The following CDH13 variants were observed in gnomAD, a reference collection of about 807,000 sequenced individuals.
The protein encoded by CDH13 is cadherin 13.
Under a neutral mutation model 63.8 loss-of-function variants are expected in CDH13, and 24 were observed. That is an observed-to-expected ratio of 0.38 (90% CI 0.27 to 0.53). The LOEUF is 0.53. Among genes scored for constraint, CDH13 ranks in the 20% least tolerant of loss-of-function variants. The pLI is 0.85. For missense variants in CDH13, 1,049 were observed against 903.1 expected (o/e 1.16, Z -2.07); for synonymous variants, 503 against 355.3 (o/e 1.42, Z -4.67).
intron 9 of CDH13, among the ~76,000 whole-genome samples, chr16:83,672,198 G>T (rs1914555798): frequency 6.6e-6 from 1 of 152,086 alleles, no homozygotes; most frequent in Admixed American, 6.6e-5. Flanking sequence ...GGTTGTTGTT[G>T]TAATCCATTG....
At chr16:83,766,111 C>G (rs748516146) in intron 11 of CDH13, among the ~76,000 whole-genome samples, 1 of 152,158 alleles carries the variant, frequency 6.6e-6, no homozygotes, top group Non-Finnish European at 1.5e-5. Flanking sequence ...CCTTGGGACA[C>G]TAGCCAAGGT....
intron 1 of CDH13, among the ~76,000 whole-genome samples, chr16:82,778,399 T>G (rs2035594290): frequency 6.6e-6 from 1 of 152,114 alleles, no homozygotes; most frequent in Non-Finnish European, 1.5e-5. Context: ...TACAGAGTTT[T>G]GGATGGTGGG....
intron 6 of CDH13, chr16:83,396,615 C>G (rs557759934): frequency 6.6e-6 from 1 of 151,898 alleles, no homozygotes; most frequent in South Asian, 2.1e-4. Flanking sequence ...CTCATCCTCA[C>G]CCACCAGCAA....
intron 5 of CDH13, among the ~76,000 whole-genome samples, chr16:83,295,282 G>T (rs1039972978): frequency 2.6e-5 from 4 of 152,088 alleles, no homozygotes; most frequent in African/African-American, 9.7e-5. Flanking sequence ...ACAACTGGAA[G>T]AAAACATAGG....
chr16:83,788,230 A>C (rs551401703), intron 13 of CDH13, among the ~76,000 whole-genome samples: 2 of 152,172 alleles, frequency 1.3e-5, no homozygotes, highest in East Asian at 1.9e-4. Flanking sequence ...GACCCTGCTC[A>C]CGGTTCAGCT....
chr16:82,951,418 T>G (rs1905279653), intron 2 of CDH13, among the ~76,000 whole-genome samples: 1 of 152,204 alleles, frequency 6.6e-6, no homozygotes, highest in Non-Finnish European at 1.5e-5. Flanking sequence ...ATTCAGCTAT[T>G]GGCATGGGTA....
chr16:82,655,365 G>A (rs1186323128), intron 1 of CDH13, among the ~76,000 whole-genome samples: 1 of 152,172 alleles, frequency 6.6e-6, no homozygotes, highest in Non-Finnish European at 1.5e-5. Context: ...TCCTGGAGAG[G>A]AGACATTTCA....
chr16:82,953,795 G>T (rs1905641491), intron 2 of CDH13: 1 of 152,126 alleles, frequency 6.6e-6, no homozygotes, highest in Non-Finnish European at 1.5e-5. Context: ...TTCCAGATGG[G>T]CCGAGATCTG....
intron 7 of CDH13, among the ~76,000 whole-genome samples, chr16:83,570,946 CAT>C (rs57586630): frequency 0.11 from 11,804 of 109,954 alleles, 1,070 homozygotes; most frequent in African/African-American, 0.25. Context: ...ATAACTCATC[CAT>C]ATATATATAT....
intron 5 of CDH13, among the ~76,000 whole-genome samples, chr16:83,292,784 C>T (rs754373262): frequency 6.6e-5 from 10 of 152,090 alleles, no homozygotes; most frequent in Admixed American, 2.6e-4. Context: ...AGAGCTTGAA[C>T]GATTATATTA....
At chr16:83,534,428 C>G (rs546653239) in intron 7 of CDH13, among the ~76,000 whole-genome samples, 3 of 152,312 alleles carry the variant, frequency 2.0e-5, no homozygotes, top group East Asian at 3.9e-4. Context: ...ATTAAATAAC[C>G]TTCTTCAGGT....
chr16:82,941,140 G>A (rs1020507698), intron 2 of CDH13, among the ~76,000 whole-genome samples: 4 of 152,208 alleles, frequency 2.6e-5, no homozygotes, highest in Admixed American at 1.3e-4. Flanking sequence ...GCTGACCAGA[G>A]TGAACAAAAT....
intron 10 of CDH13, among the ~76,000 whole-genome samples, chr16:83,694,116 T>C (rs17768694): frequency 0.11 from 16,391 of 152,002 alleles, 1,093 homozygotes; most frequent in Non-Finnish European, 0.15. Context: ...ACAGAATGGA[T>C]AGAAAACCAG....
chr16:82,882,525 C>G (rs139247378), intron 2 of CDH13, among the ~76,000 whole-genome samples: 1 of 152,092 alleles, frequency 6.6e-6, no homozygotes, highest in Non-Finnish European at 1.5e-5. Flanking sequence ...GGGTAGGGCT[C>G]GATGATCAGA....
intron 4 of CDH13, among the ~76,000 whole-genome samples, chr16:83,173,026 G>A (rs75026937): frequency 0.062 from 9,492 of 152,112 alleles, 526 homozygotes; most frequent in African/African-American, 0.14. Flanking sequence ...GATGTTACTA[G>A]CCCTTGCTGG....
chr16:83,672,893 G>A (rs192204625), intron 9 of CDH13, among the ~76,000 whole-genome samples: 54 of 152,314 alleles, frequency 3.5e-4, no homozygotes, highest in Non-Finnish European at 6.5e-4. Context: ...GACTAGCCAC[G>A]GAGGACAGCC....
intron 8 of CDH13, among the ~76,000 whole-genome samples, chr16:83,644,133 C>A (rs1211548194): frequency 6.6e-6 from 1 of 152,252 alleles, no homozygotes; most frequent in Non-Finnish European, 1.5e-5. Flanking sequence ...TAATCTCCTT[C>A]TCTTTATCTC....
At chr16:83,347,131 C>G (rs957703070) in intron 6 of CDH13, among the ~76,000 whole-genome samples, 1 of 152,142 alleles carries the variant, frequency 6.6e-6, no homozygotes, top group Non-Finnish European at 1.5e-5. Context: ...AGATGGCCCC[C>G]GAAGCATTCA....
At chr16:83,615,732 A>G (rs1019912563) in intron 8 of CDH13, among the ~76,000 whole-genome samples, 10 of 152,252 alleles carry the variant, frequency 6.6e-5, no homozygotes, top group African/African-American at 2.4e-4. Context: ...AAACAGTGCC[A>G]TCACTCATGA....
Sources: gnomAD v4.1 joint callset for allele counts (sites outside exome capture counted in the v4.1 genomes callset) on GRCh38, gnomAD v4.1.1 for gene constraint, MANE v1.5 for transcripts, NCBI Gene and HGNC (gene_info 2026-07-23, HGNC 2026-07-21) for gene names.